FBXO34: variants seen among roughly 807,000 people sequenced by gnomAD.
FBXO34 encodes F-box protein 34, also known as F-box only protein 34.
Under a neutral mutation model 24.5 loss-of-function variants are expected in FBXO34, and 12 were observed. The observed-to-expected ratio is 0.49, with a 90% CI of 0.31 to 0.79. The LOEUF is 0.79. Ranked by LOEUF, FBXO34 falls within the 30% of genes least tolerant of loss-of-function variation. The probability of loss-of-function intolerance (pLI) is 0.04; values close to 1 mark genes in which losing one functional copy is unlikely to be tolerated. For synonymous variants in FBXO34, 320 were observed against 311.9 expected (o/e 1.03, Z -0.27); for missense variants, 823 against 857.7 (o/e 0.96, Z 0.51).
chr14:55,377,898 T>A, the FBXO34 span: 1 of 1,604,678 alleles, frequency 6.2e-7, no homozygotes, highest in Non-Finnish European at 8.5e-7. Flanking sequence ...TGATCTAAAT[T>A]TACATGCTAA....
chr14:55,314,748 T>A (rs78702540), intron 1 of FBXO34, among the ~76,000 whole-genome samples: 8,837 of 152,262 alleles, frequency 0.058, 323 homozygotes, highest in South Asian at 0.089. Context: ...ACTAAAACAT[T>A]TTGAACTTTT....
intron 1 of FBXO34, among the ~76,000 whole-genome samples, chr14:55,291,900 A>G (rs930019095): frequency 2.0e-5 from 3 of 152,148 alleles, no homozygotes; most frequent in Admixed American, 1.3e-4. Context: ...CAGGAGTTCA[A>G]GGTTACAGTG....
intron 1 of FBXO34, among the ~76,000 whole-genome samples, chr14:55,281,013 A>T (rs995935754): frequency 7.2e-5 from 11 of 152,206 alleles, no homozygotes; most frequent in African/African-American, 2.7e-4. Flanking sequence ...ACGTTAACAC[A>T]ATATATCCAG....
In FBXO34 at chr14:55,295,177, T is replaced by C. The variant is rs560625924; in HGVS notation, c.-11+23640T>C. On this transcript the variant is annotated intron_variant, in intron 1 of 1. Coordinates refer to ENST00000313833, the MANE Select transcript of FBXO34 (RefSeq NM_017943.4). ...ACCATCCTAAATTGGGAACCTTCTG[T>C]AATGGAAAAAACCTCTAGGTTTGAA... Among the ~76,000 whole-genome samples, 3 of 152,260 alleles carry C rather than the reference T, an allele frequency of 2.0e-5. No homozygotes were observed. The East Asian group carries it at 5.8e-4, about 29-fold the overall frequency.
At chr14:55,436,507 G>A in the FBXO34 span, 1 of 1,451,810 alleles carries the variant, frequency 6.9e-7, no homozygotes, top group Non-Finnish European at 9.6e-7. Context: ...ATCGCATTCA[G>A]GAATATAAAA....
chr14:55,433,865 A>G, the FBXO34 span: 1 of 605,738 alleles, frequency 1.7e-6, no homozygotes. Context: ...CATTAAGGTT[A>G]ACAAAAATAA....
At chr14:55,274,830 T>C (rs1881280871) in intron 1 of FBXO34, among the ~76,000 whole-genome samples, 1 of 152,236 alleles carries the variant, frequency 6.6e-6, no homozygotes, top group Non-Finnish European at 1.5e-5. Context: ...TCATTTAGTG[T>C]TATCTTCCAA....
chr14:55,282,428 A>G (rs1881584666), intron 1 of FBXO34: 1 of 271,570 alleles, frequency 3.7e-6, no homozygotes, highest in Non-Finnish European at 7.6e-6. Context: ...CCCTGCTGAC[A>G]TGTTTTTTTC....
intron 1 of FBXO34, chr14:55,282,366 G>T: frequency 4.5e-6 from 2 of 441,086 alleles, no homozygotes; most frequent in Non-Finnish European, 4.6e-6. Context: ...GATAAGGAAG[G>T]CACCCTTGAT....
chr14:55,317,189 A>C (rs908994629), intron 1 of FBXO34, among the ~76,000 whole-genome samples: 7 of 152,174 alleles, frequency 4.6e-5, no homozygotes, highest in Non-Finnish European at 8.8e-5. Context: ...GGTGTGTTAG[A>C]GCTGGTTCAT....
chr14:55,301,887 C>CT (rs777155014), intron 1 of FBXO34, among the ~76,000 whole-genome samples: 42 of 152,300 alleles, frequency 2.8e-4, no homozygotes, highest in Middle Eastern at 6.8e-3. Flanking sequence ...CTTGGCCTCT[C>CT]TCCCCATGCC....
At chr14:55,440,313 T>C in the FBXO34 span, 1 of 1,538,040 alleles carries the variant, frequency 6.5e-7, no homozygotes, top group African/African-American at 1.4e-5. Context: ...GCTATGAGTT[T>C]TAAGAGGAAC....
chr14:55,280,078 TTC>T (rs1255097499), intron 1 of FBXO34, among the ~76,000 whole-genome samples: 1 of 152,248 alleles, frequency 6.6e-6, no homozygotes, highest in Admixed American at 6.5e-5. Context: ...ATATTGAAAC[TTC>T]TGTTTATTCT....
At chr14:55,369,427 G>T, downstream of FBXO34, 1 of 478,070 alleles carries the variant, frequency 2.1e-6, no homozygotes. Flanking sequence ...ATTATCATAA[G>T]CATGTTGGTC....
At chr14:55,354,437 C>G (rs1304569730), downstream of FBXO34, 1 of 152,170 alleles carries the variant, frequency 6.6e-6, no homozygotes, top group East Asian at 1.9e-4. Flanking sequence ...CTGACATTGA[C>G]TATGGCTCTA....
intron 1 of FBXO34, chr14:55,325,737 A>T (rs1424418769): frequency 6.6e-6 from 1 of 152,294 alleles, no homozygotes; most frequent in Non-Finnish European, 1.5e-5. Context: ...GGCCTCCCAG[A>T]GTGCTGGGAT....
chr14:55,392,737 C>G, the FBXO34 span, among the ~76,000 whole-genome samples: 3 of 151,298 alleles, frequency 2.0e-5, no homozygotes, highest in Admixed American at 2.0e-4. Context: ...TAATTAAAAG[C>G]TTAAAACAAT....
intron 1 of FBXO34, among the ~76,000 whole-genome samples, chr14:55,324,142 A>G (rs975881354): frequency 2.6e-5 from 4 of 151,904 alleles, no homozygotes; most frequent in Non-Finnish European, 5.9e-5. Flanking sequence ...CTTTCTGTCT[A>G]TAGAATTGCT....
At chr14:55,420,221 C>A in the FBXO34 span, among the ~76,000 whole-genome samples, 1 of 152,234 alleles carries the variant, frequency 6.6e-6, no homozygotes, top group Non-Finnish European at 1.5e-5. Flanking sequence ...CAGGCACGCA[C>A]CACAATGCCC....
Sources: gnomAD v4.1 joint callset for allele counts (sites outside exome capture counted in the v4.1 genomes callset) on GRCh38, gnomAD v4.1.1 for gene constraint, MANE v1.5 for transcripts, NCBI Gene and HGNC (gene_info 2026-07-23, HGNC 2026-07-21) for gene names.